OSBPL1A: variants seen among roughly 807,000 people sequenced by gnomAD.
The protein encoded by OSBPL1A is oxysterol binding protein like 1A.
A neutral mutation model predicts 137.1 loss-of-function variants in OSBPL1A; 80 were observed. The observed-to-expected ratio is 0.58, with a 90% CI of 0.49 to 0.70. OSBPL1A has a LOEUF of 0.70. Among genes scored for constraint, OSBPL1A ranks in the 30% least tolerant of loss-of-function variants. OSBPL1A has a pLI of 0.00. For synonymous variants in OSBPL1A, 365 were observed against 389.7 expected (o/e 0.94, Z 0.75); for missense variants, 970 against 1,129.4 (o/e 0.86, Z 2.02).
Position 24,366,892 on chromosome 18 carries a change from CT to C in OSBPL1A, c.281del (p.Lys94ArgfsTer4), listed in dbSNP as rs748707989. 2.5e-6 allele frequency: 4 copies of C among 1,610,886 alleles called. No individual in the cohort carries two copies. In the African/African-American group the frequency reaches 5.3e-5, roughly 22 times the overall value. On this transcript the variant is annotated frameshift_variant and splice_region_variant, in exon 4 of 28. Transcript: ENST00000319481. LOFTEE classifies it high-confidence loss of function. ...ACATTGAACATAGAATGATTTTCACCTTTCGTCCTGTAAAGGCAGCTCGATG... is the reference window on the plus strand; with the variant it reads ...ACATTGAACATAGAATGATTTTCACCTTCGTCCTGTAAAGGCAGCTCGATG... ...PLHRAAFTGR[K>X]ELVMLLLEYN... is the part of the protein sequence containing the mutation.
chr18:24,197,708 A>G (rs2087075016), intron 17 of OSBPL1A, among the ~76,000 whole-genome samples: 1 of 151,974 alleles, frequency 6.6e-6, no homozygotes, highest in African/African-American at 2.4e-5. Flanking sequence ...CCCTGCCATT[A>G]TCTATGCTTT....
At chr18:24,300,563 A>T (rs2090380179) in intron 14 of OSBPL1A, among the ~76,000 whole-genome samples, 1 of 152,192 alleles carries the variant, frequency 6.6e-6, no homozygotes, top group South Asian at 2.1e-4. Flanking sequence ...GTCCCAGGAG[A>T]CAGGGACTAA....
At chr18:24,381,978 A>G (rs1223944744) in intron 1 of OSBPL1A, among the ~76,000 whole-genome samples, 1 of 151,666 alleles carries the variant, frequency 6.6e-6, no homozygotes, top group Non-Finnish European at 1.5e-5. Flanking sequence ...GAAAGAAAGA[A>G]AGAACAAAAA....
At chr18:24,393,510 T>A (rs1907510798) in intron 1 of OSBPL1A, among the ~76,000 whole-genome samples, 1 of 152,236 alleles carries the variant, frequency 6.6e-6, no homozygotes, top group African/African-American at 2.4e-5. Flanking sequence ...TGGAGTGCAG[T>A]GGCACGATCT....
intron 7 of OSBPL1A, among the ~76,000 whole-genome samples, chr18:24,330,714 G>A (rs2091061963): frequency 6.6e-6 from 1 of 152,064 alleles, no homozygotes; most frequent in African/African-American, 2.4e-5. Context: ...GTGAGCCACA[G>A]TGCCCAGCCC....
chr18:24,233,598 C>T (rs935471853), intron 16 of OSBPL1A, among the ~76,000 whole-genome samples: 3 of 152,154 alleles, frequency 2.0e-5, no homozygotes, highest in Admixed American at 6.5e-5. Flanking sequence ...GGGATGTAAA[C>T]AGATATGGTC....
chr18:24,181,877 G>A (rs1257697820), intron 18 of OSBPL1A, among the ~76,000 whole-genome samples: 1 of 152,114 alleles, frequency 6.6e-6, no homozygotes, highest in Non-Finnish European at 1.5e-5. Context: ...CCTTCTCAGT[G>A]GAGTGTGCTG....
chr18:24,314,110 C>T, intron 12 of OSBPL1A, 139 bp downstream of exon 12: 1 of 538,560 alleles, frequency 1.9e-6, no homozygotes, highest in Non-Finnish European at 3.1e-6. Context: ...GTCTCAAAAA[C>T]ATAAATAAAT....
intron 14 of OSBPL1A, among the ~76,000 whole-genome samples, chr18:24,299,384 C>T (rs1040086349): frequency 6.6e-6 from 1 of 151,984 alleles, no homozygotes; most frequent in East Asian, 1.9e-4. Context: ...GCTTTTGTTT[C>T]ACAATTTAGA....
rs776964373 is a variant in OSBPL1A, at chr18:24,239,227, C to T, written c.1437G>A (p.Ala479=). The T allele has an allele frequency of 3.6e-5, 58 of 1,613,176 alleles. No individual in the cohort carries two copies. Among genetic ancestry groups the T allele is most frequent in the Admixed American group, 1.5e-4 (9 of 59,834 alleles). The change falls in exon 16 of 28, where the codon GCG becomes GCA. Residue 479 remains alanine (A), a synonymous_variant. Coordinates refer to ENST00000319481, the MANE Select transcript of OSBPL1A (RefSeq NM_080597.4). ...GAAGGATCCCAGAGTTACCTGACAG[C>T]GCATCATAGAACTCGTCCTCGCTAA... The part of the protein sequence containing the change: ...SILSEDEFYD[A]LSDSESERSL...
At chr18:24,170,260 T>G in intron 24 of OSBPL1A, 67 bp downstream of exon 24, 2 of 1,575,144 alleles carry the variant, frequency 1.3e-6, no homozygotes, top group South Asian at 2.3e-5. Context: ...ACAGGCCACC[T>G]CCAAAAGGAT....
chr18:24,363,447 CTTT>C (rs575394950), intron 4 of OSBPL1A, among the ~76,000 whole-genome samples: 9 of 131,016 alleles, frequency 6.9e-5, no homozygotes, highest in Non-Finnish European at 8.0e-5. Flanking sequence ...TCTTTTTTTC[CTTT>C]TTTTTTTTTT....
chr18:24,165,235 C>T, intron 26 of OSBPL1A, 80 bp from the exon 27 acceptor site: 1 of 1,224,866 alleles, frequency 8.2e-7, no homozygotes, highest in South Asian at 1.3e-5. Flanking sequence ...AAGAACTTCA[C>T]AAAAGAACCA....
At chr18:24,332,839 A>G in intron 7 of OSBPL1A, 103 bp downstream of exon 7, 1 of 1,352,708 alleles carries the variant, frequency 7.4e-7, no homozygotes. Context: ...GAAACCATAC[A>G]GTTTAACAAA....
intron 15 of OSBPL1A, among the ~76,000 whole-genome samples, chr18:24,274,601 A>G (rs1333051678): frequency 1.3e-5 from 2 of 152,036 alleles, no homozygotes; most frequent in African/African-American, 4.8e-5. Context: ...TAGGCAGATG[A>G]AAAAATGCTT....
chr18:24,346,908 A>ATTT (rs111588736), intron 4 of OSBPL1A, among the ~76,000 whole-genome samples: 15 of 140,602 alleles, frequency 1.1e-4, no homozygotes, highest in African/African-American at 3.7e-4. Context: ...GTGCCTAGCT[A>ATTT]TTTTTTTTTT....
At chr18:24,239,869 T>C (rs1000986083) in intron 15 of OSBPL1A, among the ~76,000 whole-genome samples, 6 of 151,550 alleles carry the variant, frequency 4.0e-5, no homozygotes, top group South Asian at 2.1e-4. Flanking sequence ...GTATATCAAA[T>C]GAAGGGAAAC....
At chr18:24,349,740 AAAC>A (rs989216017) in intron 4 of OSBPL1A, among the ~76,000 whole-genome samples, 4 of 120,026 alleles carry the variant, frequency 3.3e-5, no homozygotes, top group African/African-American at 6.5e-5. Flanking sequence ...AAAAAAAAAA[AAAC>A]AACAACAGTG....
chr18:24,278,267 T>C (rs566831020), intron 15 of OSBPL1A, among the ~76,000 whole-genome samples: 90 of 152,286 alleles, frequency 5.9e-4, no homozygotes, highest in African/African-American at 2.1e-3. Context: ...ATGATAGTGG[T>C]CAAATAAAAG....
Sources: gnomAD v4.1 joint callset for allele counts (sites outside exome capture counted in the v4.1 genomes callset) on GRCh38, gnomAD v4.1.1 for gene constraint, MANE v1.5 for transcripts, NCBI Gene and HGNC (gene_info 2026-07-23, HGNC 2026-07-21) for gene names.